The following CEP83 variants were observed in gnomAD, a reference collection of about 807,000 sequenced individuals.
The protein encoded by CEP83 is centrosomal protein of 83 kDa.
CEP83 carries 70 observed loss-of-function variants against 101.9 expected under a neutral mutation model. The ratio of observed to expected loss-of-function variants is 0.69; its 90% CI spans 0.57 to 0.84. CEP83 has a LOEUF of 0.84. Among genes scored for constraint, CEP83 ranks in the 40% least tolerant of loss-of-function variants. The pLI, the probability that CEP83 is intolerant of heterozygous loss-of-function variation, is 0.00. For synonymous variants in CEP83, 264 were observed against 267.9 expected (o/e 0.99, Z 0.14); for missense variants, 715 against 787.2 (o/e 0.91, Z 1.10).
At chr12:94,294,577 C>G in the CEP83 span, 2 of 922,590 alleles carry the variant, frequency 2.2e-6, no homozygotes, top group Non-Finnish European at 3.5e-6. Context: ...TTGTTCTCAC[C>G]CAGCTTCATA....
chr12:94,420,681 C>G (rs2064663749), intron 2 of CEP83, among the ~76,000 whole-genome samples: 2 of 152,014 alleles, frequency 1.3e-5, no homozygotes, highest in East Asian at 1.9e-4. Flanking sequence ...CCCAGGGAAG[C>G]CGAAAGACTG....
the CEP83 span, among the ~76,000 whole-genome samples, chr12:94,274,158 A>ACT: frequency 1.2e-5 from 1 of 82,512 alleles, no homozygotes; most frequent in Non-Finnish European, 2.9e-5. Flanking sequence ...CTGTCTCTAA[A>ACT]AAAAAAAAAA....
At chr12:94,332,898 TA>T (rs1420653714) in intron 13 of CEP83, among the ~76,000 whole-genome samples, 1 of 152,000 alleles carries the variant, frequency 6.6e-6, no homozygotes, top group Non-Finnish European at 1.5e-5. Flanking sequence ...CAACATGTTA[TA>T]AAGACAAAGC....
chr12:94,288,042 G>A, the CEP83 span, among the ~76,000 whole-genome samples: 405 of 152,350 alleles, frequency 2.7e-3, 1 homozygote, highest in African/African-American at 9.3e-3. Context: ...GTGGCTCTGC[G>A]CAGGGCCTGA....
chr12:94,439,345 A>C (rs2138341782), intron 1 of CEP83, among the ~76,000 whole-genome samples: 1 of 152,184 alleles, frequency 6.6e-6, no homozygotes, highest in East Asian at 1.9e-4. Context: ...AGGAGATATC[A>C]AAAGTGATAC....
At chr12:94,348,347 A>C (rs2060037672) in intron 11 of CEP83, among the ~76,000 whole-genome samples, 1 of 152,200 alleles carries the variant, frequency 6.6e-6, no homozygotes, top group South Asian at 2.1e-4. Context: ...GAAGCTGCCA[A>C]AGAACTCAAT....
Position 94,310,657 on chromosome 12 carries a change from T to A in CEP83, c.1812-550A>T, listed in dbSNP as rs138555570. On this transcript the variant is annotated intron_variant, in intron 15 of 16. Transcript: ENST00000397809. ...TATTTTCTATCCATGTTTGCCCGAA[T>A]AAAAATCTGTATATAAGTAGACCCA... Among the ~76,000 whole-genome samples, 120 of 152,224 alleles carry A rather than the reference T, an allele frequency of 7.9e-4. 1 individual carries two copies. The East Asian group carries it at 0.022, about 28-fold the overall frequency.
intron 14 of CEP83, among the ~76,000 whole-genome samples, chr12:94,330,966 T>C (rs1220288732): frequency 6.6e-6 from 1 of 152,138 alleles, no homozygotes; most frequent in East Asian, 1.9e-4. Context: ...CACTAAAATC[T>C]CAGATTCAAC....
At chr12:94,438,187 C>T (rs1223934792) in intron 1 of CEP83, among the ~76,000 whole-genome samples, 4 of 151,464 alleles carry the variant, frequency 2.6e-5, no homozygotes, top group Non-Finnish European at 5.9e-5. Flanking sequence ...TCATTGCACT[C>T]TAGCCTGGGT....
intron 12 of CEP83, among the ~76,000 whole-genome samples, chr12:94,335,203 T>C (rs2059399004): frequency 6.6e-6 from 1 of 152,082 alleles, no homozygotes; most frequent in Non-Finnish European, 1.5e-5. Context: ...CATAGGGATA[T>C]AGCAAAAAAT....
chr12:94,434,585 T>C (rs998933352), intron 2 of CEP83, among the ~76,000 whole-genome samples: 1 of 152,242 alleles, frequency 6.6e-6, no homozygotes, highest in Non-Finnish European at 1.5e-5. Context: ...CAATATTAGG[T>C]AGGCAAAAGC....
chr12:94,391,693 A>G (rs2062546837), intron 6 of CEP83, among the ~76,000 whole-genome samples: 1 of 152,174 alleles, frequency 6.6e-6, no homozygotes, highest in African/African-American at 2.4e-5. Flanking sequence ...CAAATTGGAT[A>G]AAGAGTCAAG....
intron 15 of CEP83, among the ~76,000 whole-genome samples, chr12:94,311,960 A>G (rs1969928755): frequency 6.6e-6 from 1 of 152,176 alleles, no homozygotes; most frequent in Admixed American, 6.5e-5. Flanking sequence ...TTGTAATCCC[A>G]GTGCTTTGGG....
chr12:94,301,708 T>A (rs1414093883), downstream of CEP83, among the ~76,000 whole-genome samples: 1 of 152,030 alleles, frequency 6.6e-6, no homozygotes, highest in Non-Finnish European at 1.5e-5. Flanking sequence ...ACTTTAAGAG[T>A]ACCTGGAATG....
intron 8 of CEP83, among the ~76,000 whole-genome samples, chr12:94,375,075 A>G (rs1248485500): frequency 2.6e-5 from 4 of 152,316 alleles, no homozygotes; most frequent in Non-Finnish European, 5.9e-5. Context: ...GAAGCTGGAA[A>G]AGCAGTAGTG....
chr12:94,419,749 A>G (rs560143687), intron 2 of CEP83, among the ~76,000 whole-genome samples: 3 of 152,280 alleles, frequency 2.0e-5, no homozygotes, highest in South Asian at 4.1e-4. Context: ...CGTAAGGAGA[A>G]GAGAGTCTTC....
At chr12:94,280,111 T>C in the CEP83 span, 1 of 323,508 alleles carries the variant, frequency 3.1e-6, no homozygotes, top group Non-Finnish European at 6.1e-6. Flanking sequence ...CATCTTCCTC[T>C]GCTAATCACA....
chr12:94,278,071 T>C, the CEP83 span: 1 of 456,018 alleles, frequency 2.2e-6, no homozygotes, highest in Non-Finnish European at 4.4e-6. Flanking sequence ...CCTCCCTCTG[T>C]CTCTGTATGG....
chr12:94,267,677 A>G, the CEP83 span, among the ~76,000 whole-genome samples: 46,098 of 152,104 alleles, frequency 0.3, 7,252 homozygotes, highest in African/African-American at 0.37. Context: ...CATGGTTGGC[A>G]GTTGTACGAG....
Sources: gnomAD v4.1 joint callset for allele counts (sites outside exome capture counted in the v4.1 genomes callset) on GRCh38, gnomAD v4.1.1 for gene constraint, MANE v1.5 for transcripts, NCBI Gene and HGNC (gene_info 2026-07-23, HGNC 2026-07-21) for gene names.